The following EFHC2 variants were observed in gnomAD, a reference collection of about 807,000 sequenced individuals.
EFHC2 encodes EF-hand domain containing 2, also known as EF-hand domain-containing family member C2.
A neutral mutation model predicts 52.7 loss-of-function variants in EFHC2; 18 were observed. The observed-to-expected ratio is 0.34, with a 90% CI of 0.24 to 0.51. The LOEUF is 0.51. Among genes scored for constraint, EFHC2 ranks in the 20% least tolerant of loss-of-function variants. EFHC2 has a pLI of 0.97. For missense variants in EFHC2, 513 were observed against 562.5 expected (o/e 0.91, Z 0.89); for synonymous variants, 203 against 204.1 (o/e 0.99, Z 0.04).
intron 14 of EFHC2, among the ~76,000 whole-genome samples, chrX:44,162,696 C>T (rs764908311): frequency 6.9e-4 from 77 of 111,265 alleles, no homozygotes; most frequent in Non-Finnish European, 1.3e-3. Context: ...ATGTCACTTT[C>T]CTACCTTGCT....
chrX:44,281,064 G>T (rs1399324516), intron 2 of EFHC2, among the ~76,000 whole-genome samples: 1 of 110,384 alleles, frequency 9.1e-6, no homozygotes, highest in African/African-American at 3.3e-5. Context: ...GGACTACAGG[G>T]GCACACCTCC....
intron 1 of EFHC2, among the ~76,000 whole-genome samples, chrX:44,343,275 AC>A (rs2038163514): frequency 9.1e-6 from 1 of 110,427 alleles, no homozygotes; most frequent in Non-Finnish European, 1.9e-5. Context: ...CACACATTAA[AC>A]CCCCAATGGT....
chrX:44,297,653 C>T (rs768548507), intron 2 of EFHC2, among the ~76,000 whole-genome samples: 42 of 105,773 alleles, frequency 4.0e-4, no homozygotes, highest in African/African-American at 1.4e-3. Context: ...CATTTGAAAC[C>T]GAGAGGTGGA....
intron 13 of EFHC2, among the ~76,000 whole-genome samples, chrX:44,175,634 A>T (rs2036780259): frequency 8.9e-6 from 1 of 111,822 alleles, no homozygotes; most frequent in Admixed American, 9.5e-5. Context: ...TAAATGAGAT[A>T]ATATATCCAA....
intron 1 of EFHC2, among the ~76,000 whole-genome samples, chrX:44,342,881 A>AAAAAAAAAAG (rs1306898304): frequency 5.6e-5 from 6 of 107,823 alleles, no homozygotes; most frequent in Non-Finnish European, 7.7e-5. Context: ...GTCTCAAAAA[A>AAAAAAAAAAG]AAAAAAAGAA....
intron 12 of EFHC2, among the ~76,000 whole-genome samples, chrX:44,177,667 CAAG>C (rs1438586863): frequency 8.9e-6 from 1 of 111,773 alleles, no homozygotes; most frequent in African/African-American, 3.3e-5. Context: ...TCATTATTTT[CAAG>C]AAGAAATAAT....
At chrX:44,308,525 G>A (rs1285578463) in intron 2 of EFHC2, among the ~76,000 whole-genome samples, 1 of 111,164 alleles carries the variant, frequency 9.0e-6, no homozygotes, top group African/African-American at 3.3e-5. Flanking sequence ...ACATATGAAG[G>A]CCCAGATCAC....
chrX:44,275,849 G>A (rs1158375055), intron 2 of EFHC2, among the ~76,000 whole-genome samples: 1 of 107,818 alleles, frequency 9.3e-6, no homozygotes, highest in African/African-American at 3.4e-5. Flanking sequence ...GGGAGGTGGA[G>A]GTTGCAGTGA....
intron 2 of EFHC2, among the ~76,000 whole-genome samples, chrX:44,308,203 A>T (rs2037919933): frequency 8.9e-6 from 1 of 111,751 alleles, no homozygotes; most frequent in African/African-American, 3.2e-5. Context: ...AAACAAAACT[A>T]GAATAAACAA....
chrX:44,306,842 T>C (rs1288016555), intron 2 of EFHC2, among the ~76,000 whole-genome samples: 1 of 111,753 alleles, frequency 8.9e-6, no homozygotes, highest in Non-Finnish European at 1.9e-5. Flanking sequence ...GAGAAACCTG[T>C]AAGGGAGTGA....
chrX:44,317,596 A>G (rs908843011), intron 1 of EFHC2, among the ~76,000 whole-genome samples: 2 of 112,693 alleles, frequency 1.8e-5, no homozygotes. Context: ...GACCAGCCTG[A>G]GCAACATGGT....
chrX:44,212,468 C>G (rs1162261421), intron 11 of EFHC2, among the ~76,000 whole-genome samples: 5 of 110,533 alleles, frequency 4.5e-5, no homozygotes. Flanking sequence ...TAACACTCAA[C>G]TGCAGCCTGC....
intron 12 of EFHC2, among the ~76,000 whole-genome samples, chrX:44,177,618 GCACA>G (rs1223546985): frequency 9.0e-6 from 1 of 111,653 alleles, no homozygotes; most frequent in African/African-American, 3.3e-5. Flanking sequence ...AGCTCAACAC[GCACA>G]CAATCAATGT....
At chrX:44,160,820 G>A (rs1318192881) in intron 14 of EFHC2, among the ~76,000 whole-genome samples, 1 of 111,069 alleles carries the variant, frequency 9.0e-6, no homozygotes, top group African/African-American at 3.3e-5. Context: ...TACTCAGGAA[G>A]CTGAGGCAGG....
chrX:44,310,262 C>CAGCGGCTCGGGTTTCCTCTCAGA, intron 2 of EFHC2: 1 of 1,015,199 alleles, frequency 9.9e-7, no homozygotes, highest in African/African-American at 1.9e-5. Context: ...TTCCTCTCAG[C>CAGCGGCTCGGGTTTCCTCTCAGA]AGCGGCTCAT....
chrX:44,195,327 G>C (rs1185183666), intron 11 of EFHC2, among the ~76,000 whole-genome samples: 1 of 111,835 alleles, frequency 8.9e-6, no homozygotes, highest in Non-Finnish European at 1.9e-5. Flanking sequence ...CAGACATATG[G>C]AACAGAGCCA....
rs777941923 is a variant in EFHC2, at chrX:44,272,638, G to T, written c.382+48C>A. The T allele has an allele frequency of 1.1e-5, 12 of 1,138,037 alleles. No individual in the cohort carries two copies. The South Asian group carries it at 2.5e-4, about 23-fold the overall frequency. The allele number at this position is 1,138,037 out of a possible 1,213,427, so 93.8% of individuals were successfully genotyped here. The stretch of plus-strand genomic sequence containing the variant: ...AAGCTAAAGGCAGGCAGTATATAAA[G>T]GCAGGAGTCAGAAGTGAAGGAACCA... On this transcript the variant is annotated intron_variant, in intron 3 of 14. Transcript: ENST00000420999.
At chrX:44,235,806 C>A (rs764825966) in intron 8 of EFHC2, among the ~76,000 whole-genome samples, 1 of 112,264 alleles carries the variant, frequency 8.9e-6, no homozygotes, top group South Asian at 3.7e-4. Flanking sequence ...AGCACCTAGC[C>A]CTACTGCCTG....
rs139275882 is a variant in EFHC2, at chrX:44,299,955, T to C, written c.231+12613A>G. Among the ~76,000 whole-genome samples the C allele has an allele frequency of 6.0e-3, 670 of 111,908 alleles. 8 individuals carry two copies. Among genetic ancestry groups the C allele is most frequent in the African/African-American group, 0.019 (582 of 30,878 alleles). On this transcript the variant is annotated intron_variant, in intron 2 of 14. Coordinates refer to ENST00000420999, the MANE Select transcript of EFHC2 (RefSeq NM_025184.4). The stretch of plus-strand genomic sequence containing the variant: ...GAGTCCAAAATTACTTTAAAAAAAA[T>C]TTTTTTAAGAATACAGCTAGATTAT...
Sources: gnomAD v4.1 joint callset for allele counts (sites outside exome capture counted in the v4.1 genomes callset) on GRCh38, gnomAD v4.1.1 for gene constraint, MANE v1.5 for transcripts, NCBI Gene and HGNC (gene_info 2026-07-23, HGNC 2026-07-21) for gene names.